PRDM12: variants seen among roughly 807,000 people sequenced by gnomAD.
PRDM12 encodes PR/SET domain 12.
A neutral mutation model predicts 29.6 loss-of-function variants in PRDM12; 17 were observed. The observed-to-expected ratio is 0.57, with a 90% CI of 0.39 to 0.86. The LOEUF (loss-of-function observed/expected upper bound fraction) is 0.86, where lower values mean the gene tolerates loss of function less well. Ranked by LOEUF, PRDM12 falls within the 40% of genes least tolerant of loss-of-function variation. The probability of loss-of-function intolerance (pLI) is 0.00; values close to 1 mark genes in which losing one functional copy is unlikely to be tolerated. For missense variants in PRDM12, 422 were observed against 510.8 expected, an observed-to-expected ratio of 0.83 and a Z score of 1.68; for synonymous variants, 231 against 225.8, an observed-to-expected ratio of 1.02 and a Z score of -0.21.
intron 1 of PRDM12, among the ~76,000 whole-genome samples, chr9:130,665,096 G>T (rs1588183478): frequency 6.6e-6 from 1 of 152,106 alleles, no homozygotes; most frequent in African/African-American, 2.4e-5. Flanking sequence ...GACCGACCCC[G>T]GCGACCCCGT....
intron 4 of PRDM12, among the ~76,000 whole-genome samples, chr9:130,680,657 A>ATTTTTTTTT (rs1399560598): frequency 4.6e-5 from 4 of 87,540 alleles, no homozygotes; most frequent in African/African-American, 2.1e-4. Flanking sequence ...ATATATATAT[A>ATTTTTTTTT]TATTTTTTTT....
At position 130,666,493 on chromosome 9, in the gene PRDM12, C is replaced by A. The variant is rs1830734050; in HGVS notation, c.224-115C>A. The A allele has an allele frequency of 4.4e-6, 6 of 1,358,632 alleles. No individual in the cohort carries two copies. In the Admixed American group the frequency reaches 1.2e-4, roughly 26 times the overall value. The allele number at this position is 1,358,632 out of a possible 1,614,324, so 84.2% of individuals were successfully genotyped here. A position where few individuals can be genotyped will look rare whatever the true frequency, so the allele number is the denominator to read the frequency against. Reference sequence around the variant, plus strand: ...CGGGTGGCTTCTCTGGATTTGGGGCCGACTTGGGTTTGGCTGGTCTGGGCA... The same window carrying A: ...CGGGTGGCTTCTCTGGATTTGGGGCAGACTTGGGTTTGGCTGGTCTGGGCA... On this transcript the variant is annotated intron_variant, in intron 1 of 4. Transcript: ENST00000253008.
chr9:130,678,187 C>T (rs374397604), intron 3 of PRDM12, among the ~76,000 whole-genome samples: 4 of 151,962 alleles, frequency 2.6e-5, no homozygotes, highest in Non-Finnish European at 5.9e-5. Context: ...GACTCTAGTT[C>T]CCCGGGGTAA....
chr9:130,669,684 C>T (rs374319454), intron 3 of PRDM12, among the ~76,000 whole-genome samples: 61 of 150,854 alleles, frequency 4.0e-4, no homozygotes, highest in Non-Finnish European at 6.6e-4. Context: ...GGTGTGGTTG[C>T]GGGTGCCTGT....
At chr9:130,665,240 G>A (rs1196021891) in intron 1 of PRDM12, among the ~76,000 whole-genome samples, 1 of 144,682 alleles carries the variant, frequency 6.9e-6, no homozygotes, top group East Asian at 2.3e-4. Flanking sequence ...AATTCATTTA[G>A]TTAACTTGGG....
intron 3 of PRDM12, among the ~76,000 whole-genome samples, chr9:130,669,582 G>A (rs1195621559): frequency 6.6e-6 from 1 of 150,626 alleles, no homozygotes; most frequent in South Asian, 2.1e-4. Flanking sequence ...TTGGGAGGCC[G>A]AGGTGGGCAG....
At chr9:130,673,321 T>A (rs1221142255) in intron 3 of PRDM12, among the ~76,000 whole-genome samples, 3 of 152,128 alleles carry the variant, frequency 2.0e-5, no homozygotes, top group Admixed American at 2.0e-4. Flanking sequence ...GGTTCCTGGG[T>A]TTCCCGGGCT....
intron 2 of PRDM12, 94 bp downstream of exon 2, chr9:130,666,892 G>A (rs1830739074): frequency 2.7e-6 from 4 of 1,462,828 alleles, no homozygotes; most frequent in African/African-American, 1.5e-5. Flanking sequence ...GCTTCCACCC[G>A]GGCTGAGAGC....
intron 3 of PRDM12, among the ~76,000 whole-genome samples, chr9:130,672,961 G>A (rs1014027195): frequency 3.3e-5 from 5 of 152,218 alleles, no homozygotes; most frequent in African/African-American, 9.6e-5. Context: ...AGAGAAGCAC[G>A]TTGACAGGGC....
chr9:130,668,704 C>T lies in PRDM12; in HGVS notation c.570+391C>T, dbSNP rs1218459912. On this transcript the variant is annotated intron_variant, in intron 3 of 4. Transcript: ENST00000253008. This position sits in a 1 kb window ranked among gnomAD's most constrained non-coding sequence, Gnocchi z 4.0. ...GAATGCGTTGGGGTGGGAGAGAGGGCGTGTGTCTGCAGCCGTTTAGCTGTC... is the reference window on the plus strand; with the variant it reads ...GAATGCGTTGGGGTGGGAGAGAGGGTGTGTGTCTGCAGCCGTTTAGCTGTC... Among the ~76,000 whole-genome samples, 2 of 152,038 alleles carry T rather than the reference C, an allele frequency of 1.3e-5. No homozygotes were observed. The highest frequency in any genetic ancestry group is 6.6e-5 in the Admixed American group (1 of 15,248).
chr9:130,668,245 C>T lies in PRDM12; in HGVS notation c.502C>T (p.Arg168Cys), dbSNP rs767397937. ...CTGGATGACCTACATCAAGTGTGCA[C>T]GTAACGAACAGGAGCAGAACCTGGA... The part of the protein sequence containing the change: ...RSWMTYIKCA[R>C]NEQEQNLEVV... Residue 168 changes from arginine to cysteine, a missense_variant, in exon 3 of 5, where the codon CGT becomes TGT. Arg to Cys is a radical substitution (Grantham distance 180). Around this residue, in one of 5 missense-constraint regions of PRDM12, gnomAD observed 300 missense variants for 350.0 expected, o/e 0.86. Coordinates refer to ENST00000253008, the MANE Select transcript of PRDM12 (RefSeq NM_021619.3). This position sits in a 1 kb window ranked among gnomAD's most constrained non-coding sequence, Gnocchi z 4.0. 5.6e-6 allele frequency: 9 copies of T among 1,614,022 alleles called. No homozygotes were observed. Among genetic ancestry groups the T allele is most frequent in the Admixed American group, 3.3e-5 (2 of 60,004 alleles).
At position 130,666,867 on chromosome 9, in the gene PRDM12, C is replaced by A; in HGVS notation, c.414+69C>A. 7 of 1,505,412 alleles carry A rather than the reference C, an allele frequency of 4.6e-6. No individual in the cohort carries two copies. The South Asian group carries it at 9.2e-5, about 20-fold the overall frequency. The allele number at this position is 1,505,412 out of a possible 1,614,324, so 93.3% of individuals were successfully genotyped here. ...GCGCTGGTCGCGGGTAGGACTCGGG[C>A]GTCCGGCCGTCGCCGCTTCCACCCG... On this transcript the variant is annotated intron_variant, in intron 2 of 4. Transcript: ENST00000253008.
intron 2 of PRDM12, 54 bp downstream of exon 2, chr9:130,666,852 C>T: frequency 7.8e-6 from 12 of 1,537,952 alleles, no homozygotes; most frequent in South Asian, 2.5e-5. Context: ...GCGCTGGTCG[C>T]GGGTAGGACT....
chr9:130,682,677 C>A lies in PRDM12; in HGVS notation c.*1008C>A, dbSNP rs1053017776. 1 of 152,440 alleles carries A rather than the reference C, an allele frequency of 6.6e-6. No homozygotes were observed. Among genetic ancestry groups the A allele is most frequent in the East Asian group, 1.9e-4 (1 of 5,196 alleles). 9.4% of individuals were successfully genotyped at this position (152,440 alleles called of 1,614,324 possible). A position where few individuals can be genotyped will look rare whatever the true frequency, so the allele number is the denominator to read the frequency against. On this transcript the variant is annotated 3_prime_UTR_variant, in exon 5 of 5. Transcript: ENST00000253008. This position sits in a 1 kb window ranked among gnomAD's most constrained non-coding sequence, Gnocchi z 4.2. Reference sequence around the variant, plus strand: ...CTGCCCACACTTCCCTCGGTCCCTGCCCGTTTCCTCAAATTCGGGCCGTGC... The same window carrying A: ...CTGCCCACACTTCCCTCGGTCCCTGACCGTTTCCTCAAATTCGGGCCGTGC...
At chr9:130,676,310 GA>G (rs1180756015) in intron 3 of PRDM12, among the ~76,000 whole-genome samples, 8 of 152,044 alleles carry the variant, frequency 5.3e-5, no homozygotes, top group African/African-American at 1.9e-4. Context: ...CTAACACGGT[GA>G]AACCCCGTCT....
chr9:130,673,932 A>C (rs762478941), intron 3 of PRDM12, among the ~76,000 whole-genome samples: 3 of 151,388 alleles, frequency 2.0e-5, no homozygotes, highest in Non-Finnish European at 4.4e-5. Context: ...TGGCCTCCCA[A>C]AGTGCTGGGA....
In PRDM12 at chr9:130,668,056, G is replaced by A; in HGVS notation, c.415-102G>A. The A allele has an allele frequency of 7.1e-7, 1 of 1,405,358 alleles. No homozygotes were observed. The highest frequency in any genetic ancestry group is 1.3e-5 in the South Asian group (1 of 77,632). The allele number at this position is 1,405,358 out of a possible 1,614,324, so 87.1% of individuals were successfully genotyped here. A position where few individuals can be genotyped will look rare whatever the true frequency, so the allele number is the denominator to read the frequency against. ...GAAAATGAAGCTTTATCCACTTCCT[G>A]GGGCTGTTGTGAGGATGGAGAGTGT... On this transcript the variant is annotated intron_variant, in intron 2 of 4. Transcript: ENST00000253008. This position sits in a 1 kb window ranked among gnomAD's most constrained non-coding sequence, Gnocchi z 4.0.
rs58489448 is a variant in PRDM12, at chr9:130,674,492, T to TTGTGTGTGTGTG, written c.571-4007_571-3996dup. ...GATTTTCTTGCTTTTAAAAGATAAT[T>TTGTGTGTGTGTG]TGTGTGTGTGTGTGTGTGTGTGTGT... is the stretch of plus-strand genomic sequence containing the variant. On this transcript the variant is annotated intron_variant, in intron 3 of 4. Coordinates refer to ENST00000253008, the MANE Select transcript of PRDM12 (RefSeq NM_021619.3). Among the ~76,000 whole-genome samples, 881 of 142,872 alleles carry TTGTGTGTGTGTG rather than the reference T, an allele frequency of 6.2e-3. 11 individuals carry two copies. The highest frequency in any genetic ancestry group is 0.019 in the East Asian group (89 of 4,638). The allele number at this position is 142,872 out of a possible 152,430, so 93.7% of individuals were successfully genotyped here. A position where few individuals can be genotyped will look rare whatever the true frequency, so the allele number is the denominator to read the frequency against.
At chr9:130,680,623 TAAAAAAAA>T (rs753422507) in intron 4 of PRDM12, among the ~76,000 whole-genome samples, 2,005 of 78,626 alleles carry the variant, frequency 0.026, 46 homozygotes, top group African/African-American at 0.052. Context: ...AGACTCCGTC[TAAAAAAAA>T]AAAATATATA....
Sources: allele counts gnomAD v4.1 joint callset (sites outside exome capture counted in the v4.1 genomes callset), GRCh38; gene constraint gnomAD v4.1.1; regional missense constraint gnomAD v4.1.1; non-coding constraint Gnocchi (gnomAD v3.1); transcripts MANE v1.5; gene names NCBI Gene and HGNC (gene_info 2026-07-23, HGNC 2026-07-21).